Variants in MMUT observed in about 807,000 individuals in gnomAD.
MMUT encodes the protein methylmalonyl-CoA mutase.
MMUT carries 79 observed loss-of-function variants against 79.9 expected under a neutral mutation model. The ratio of observed to expected loss-of-function variants is 0.99; its 90% confidence interval spans 0.82 to 1.19. The LOEUF is 1.19. MMUT is among the 50% of genes most tolerant of loss of function. MMUT has a pLI of 0.00. For synonymous variants in MMUT, 273 were observed against 295.7 expected, an observed-to-expected ratio of 0.92 and a Z score of 0.79; for missense variants, 860 against 917.2, an observed-to-expected ratio of 0.94 and a Z score of 0.81.
chr6:49,451,329 AAATT>A (rs1767544953), intron 6 of MMUT, 133 bp downstream of exon 6: 3 of 1,027,796 alleles, frequency 2.9e-6, no homozygotes, highest in East Asian at 5.4e-5. Context: ...AACATCGTTT[AAATT>A]ATTATATAAA....
At position 49,430,966 on chromosome 6, in the gene MMUT, T is replaced by C. The variant is rs1471060138; in HGVS notation, c.*762A>G. On this transcript the variant is annotated 3_prime_UTR_variant, in exon 13 of 13. Coordinates refer to ENST00000274813, the MANE Select transcript of MMUT (RefSeq NM_000255.4). ...GATCTGGAAAGTTGAATTCTTTCTATATCACAGACCTACACTCACAGTTGA... is the reference window on the plus strand; with the variant it reads ...GATCTGGAAAGTTGAATTCTTTCTACATCACAGACCTACACTCACAGTTGA... 1 of 151,992 alleles carries C rather than the reference T, an allele frequency of 6.6e-6. No individual in the cohort carries two copies. The highest frequency in any genetic ancestry group is 1.9e-4 in the East Asian group (1 of 5,180). 9.4% of individuals were successfully genotyped at this position (151,992 alleles called of 1,614,324 possible). A position where few individuals can be genotyped will look rare whatever the true frequency, so the allele number is the denominator to read the frequency against.
chr6:49,444,896 A>G, intron 8 of MMUT, 142 bp from the exon 9 acceptor site: 1 of 603,444 alleles, frequency 1.7e-6, no homozygotes, highest in Non-Finnish European at 2.9e-6. Context: ...ATTGAAAAGA[A>G]TAATATATAA....
chr6:49,447,898 C>A, intron 7 of MMUT, 113 bp from the exon 8 acceptor site: 1 of 672,190 alleles, frequency 1.5e-6, no homozygotes, highest in Non-Finnish European at 2.6e-6. Context: ...ATTCTTAATT[C>A]TTAATGCAAC....
chr6:49,454,123 A>C (rs1379613580), intron 4 of MMUT, among the ~76,000 whole-genome samples: 2 of 152,130 alleles, frequency 1.3e-5, no homozygotes, highest in Non-Finnish European at 2.9e-5. Flanking sequence ...AAAACAGCAA[A>C]TTTGCTTTGT....
intron 10 of MMUT, among the ~76,000 whole-genome samples, chr6:49,440,562 T>C (rs1475206243): frequency 1.3e-5 from 2 of 152,062 alleles, no homozygotes; most frequent in Non-Finnish European, 2.9e-5. Context: ...ACACGTGCCA[T>C]GGTAAACAGC....
chr6:49,445,531 G>C (rs9381787), intron 8 of MMUT, among the ~76,000 whole-genome samples: 89,273 of 151,780 alleles, frequency 0.59, 26,614 homozygotes, highest in South Asian at 0.65. Flanking sequence ...TCCACAGATA[G>C]CAAAATTCAG....
intron 8 of MMUT, 43 bp from the exon 9 acceptor site, chr6:49,444,797 G>A (rs1187266004): frequency 6.8e-7 from 1 of 1,472,650 alleles, no homozygotes; most frequent in Non-Finnish European, 9.5e-7. Context: ...CATGAAGAGA[G>A]AATAAAACAG....
At chr6:49,447,560 C>A in intron 8 of MMUT, 110 bp downstream of exon 8, 1 of 674,366 alleles carries the variant, frequency 1.5e-6, no homozygotes. Context: ...AATTAATACA[C>A]ACCTCATGCT....
At position 49,448,864 on chromosome 6, in the gene MMUT, GT is replaced by G; in HGVS notation, c.1395del (p.Lys465AsnfsTer15). On this transcript the variant is annotated frameshift_variant, in exon 7 of 13. Transcript: ENST00000274813. LOFTEE classifies it high-confidence loss of function. The part of the protein sequence containing the change: ...MAKAVAEGIP[K>X]LRIEECAARR... ...CGGGCAGCACATTCTTCAATTCGAA[GT>G]TTAGGTATTCCCTCAGCTACAGCTT... 1 of 1,613,588 alleles carries G rather than the reference GT, an allele frequency of 6.2e-7. No individual in the cohort carries two copies. Among genetic ancestry groups the G allele is most frequent in the Non-Finnish European group, 8.5e-7 (1 of 1,179,672 alleles).
chr6:49,452,981 A>C (rs2127418390), intron 5 of MMUT, among the ~76,000 whole-genome samples: 1 of 151,634 alleles, frequency 6.6e-6, no homozygotes, highest in South Asian at 2.1e-4. Flanking sequence ...ATATGAGAGT[A>C]CTAACTTATG....
intron 11 of MMUT, 31 bp from the exon 12 acceptor site, chr6:49,435,654 T>G (rs1490557009): frequency 1.3e-6 from 2 of 1,599,430 alleles, no homozygotes; most frequent in East Asian, 4.5e-5. Context: ...GATAAATCAT[T>G]GTTTATTACT....
chr6:49,441,991 T>C lies in MMUT; in HGVS notation c.1677-20A>G. The C allele has an allele frequency of 6.3e-7, 1 of 1,597,990 alleles. No homozygotes were observed. ...GTACATCTGAAACATGAAATGGTGG[T>C]TCCATTAACTTCATTATTTTGTGAT... On this transcript the variant is annotated intron_variant, in intron 9 of 12. Transcript: ENST00000274813.
intron 12 of MMUT, 128 bp from the exon 13 acceptor site, chr6:49,431,984 G>A (rs1284021082): frequency 1.9e-6 from 2 of 1,070,952 alleles, no homozygotes; most frequent in East Asian, 5.1e-5. Flanking sequence ...CTGGCATTTG[G>A]GGCTAAAAAA....
In MMUT at chr6:49,451,342, A is replaced by T. The variant is rs551088914; in HGVS notation, c.1332+124T>A. 2.1e-5 allele frequency: 24 copies of T among 1,136,794 alleles called. No homozygotes were observed. In the East Asian group the frequency reaches 6.0e-4, roughly 28 times the overall value. The allele number at this position is 1,136,794 out of a possible 1,614,324, so 70.4% of individuals were successfully genotyped here. A position where few individuals can be genotyped will look rare whatever the true frequency, so the allele number is the denominator to read the frequency against. ...CAAACATCGTTTAAATTATTATATAAATCTGTAAGTGATTTGATTTATAAA... is the reference window on the plus strand; with the variant it reads ...CAAACATCGTTTAAATTATTATATATATCTGTAAGTGATTTGATTTATAAA... On this transcript the variant is annotated intron_variant, in intron 6 of 12. Transcript: ENST00000274813.
chr6:49,444,776 G>C, intron 8 of MMUT, 22 bp from the exon 9 acceptor site: 1 of 1,558,292 alleles, frequency 6.4e-7, no homozygotes, highest in Non-Finnish European at 8.9e-7. Flanking sequence ...GTCAAGGAAA[G>C]GGACAATTTA....
intron 1 of MMUT, among the ~76,000 whole-genome samples, chr6:49,461,315 ATATATG>A (rs1368190600): frequency 4.6e-5 from 7 of 152,182 alleles, no homozygotes; most frequent in African/African-American, 9.7e-5. Context: ...GTTTCTGTAA[ATATATG>A]TATAAGTAAA....
Position 49,444,586 on chromosome 6 carries a change from C to G in MMUT, c.1676+53G>C, listed in dbSNP as rs548569567. 3.4e-6 allele frequency: 5 copies of G among 1,471,174 alleles called. No individual in the cohort carries two copies. In the South Asian group the frequency reaches 5.7e-5, roughly 17 times the overall value. 91.1% of individuals were successfully genotyped at this position (1,471,174 alleles called of 1,614,324 possible). On this transcript the variant is annotated intron_variant, in intron 9 of 12. Coordinates refer to ENST00000274813, the MANE Select transcript of MMUT (RefSeq NM_000255.4). ...TTTTATTTAAGTATACTCTGAAAAG[C>G]TAAACTGGTCAACTTTTAGTCTTTG...
chr6:49,447,826 A>T (rs770835170), intron 7 of MMUT, 41 bp from the exon 8 acceptor site: 1 of 1,091,110 alleles, frequency 9.2e-7, no homozygotes, highest in Non-Finnish European at 1.4e-6. Flanking sequence ...ACAAATAATT[A>T]CCTAATTGTA....
intron 11 of MMUT, among the ~76,000 whole-genome samples, chr6:49,437,860 G>A (rs61062760): frequency 0.01 from 1,525 of 152,072 alleles, 34 homozygotes; most frequent in African/African-American, 0.035. Flanking sequence ...CTGTGCTTCT[G>A]AAACAAACAT....
Sources: allele counts gnomAD v4.1 joint callset (sites outside exome capture counted in the v4.1 genomes callset), GRCh38; gene constraint gnomAD v4.1.1; transcripts MANE v1.5; gene names NCBI Gene and HGNC (gene_info 2026-07-23, HGNC 2026-07-21).